GATB: variants seen among roughly 807,000 people sequenced by gnomAD.
GATB encodes the protein glutamyl-tRNA(Gln) amidotransferase subunit B, mitochondrial.
A neutral mutation model predicts 62.3 loss-of-function variants in GATB; 39 were observed. The ratio of observed to expected loss-of-function variants is 0.63; its 90% CI spans 0.48 to 0.82. The LOEUF is 0.82. GATB is among the 40% of genes least tolerant of loss of function. GATB has a pLI of 0.00. For missense variants in GATB, 670 were observed against 684.0 expected (o/e 0.98, Z 0.23); for synonymous variants, 276 against 258.9 (o/e 1.07, Z -0.63).
At chr4:151,760,728 G>T in intron 1 of GATB, 79 bp downstream of exon 1, 1 of 1,336,504 alleles carries the variant, frequency 7.5e-7, no homozygotes, top group Non-Finnish European at 1.0e-6. Flanking sequence ...CTAGAAGCTG[G>T]GCCGTAATTG....
intron 12 of GATB, 28 bp from the exon 13 acceptor site, chr4:151,671,330 GA>G (rs1560837448): frequency 2.9e-6 from 3 of 1,027,768 alleles, no homozygotes; most frequent in Non-Finnish European, 1.3e-6. Context: ...ACTTACTTAA[GA>G]GGAGAAAATG....
At chr4:151,732,186 C>A (rs929797990) in intron 2 of GATB, among the ~76,000 whole-genome samples, 1 of 151,538 alleles carries the variant, frequency 6.6e-6, no homozygotes, top group Non-Finnish European at 1.5e-5. Flanking sequence ...AAGTGAGGAG[C>A]CCCTCTGCCT....
intron 9 of GATB, among the ~76,000 whole-genome samples, chr4:151,697,905 C>G (rs1483770371): frequency 1.6e-5 from 2 of 129,018 alleles, no homozygotes; most frequent in Non-Finnish European, 3.1e-5. Flanking sequence ...GTCTCAAAAA[C>G]AAACAAACAA....
chr4:151,743,780 A>G (rs928492371), intron 2 of GATB, among the ~76,000 whole-genome samples: 10 of 152,226 alleles, frequency 6.6e-5, no homozygotes, highest in African/African-American at 2.4e-4. Flanking sequence ...AATAGCTTTC[A>G]TAGCATCCAT....
chr4:151,721,431 G>A (rs1188231010), intron 2 of GATB: 1 of 152,198 alleles, frequency 6.6e-6, no homozygotes, highest in Admixed American at 6.5e-5. Flanking sequence ...AGATGTGTGG[G>A]GAACAGGAGG....
At chr4:151,725,564 C>T (rs1347822360) in intron 2 of GATB, among the ~76,000 whole-genome samples, 1 of 152,246 alleles carries the variant, frequency 6.6e-6, no homozygotes, top group African/African-American at 2.4e-5. Context: ...TGAAATCCAA[C>T]TAATTTATAA....
chr4:151,711,216 C>G (rs1294103887), intron 5 of GATB, among the ~76,000 whole-genome samples: 2 of 152,208 alleles, frequency 1.3e-5, no homozygotes, highest in African/African-American at 4.8e-5. Context: ...TAACTGGTCT[C>G]CTGGCTTCTA....
At chr4:151,745,842 G>C (rs1739584474) in intron 2 of GATB, among the ~76,000 whole-genome samples, 1 of 152,202 alleles carries the variant, frequency 6.6e-6, no homozygotes, top group Non-Finnish European at 1.5e-5. Context: ...AGCCCTGAAT[G>C]CTTTTTTAAA....
intron 4 of GATB, 100 bp from the exon 5 acceptor site, chr4:151,716,231 C>A: frequency 1.6e-6 from 2 of 1,234,178 alleles, no homozygotes; most frequent in Non-Finnish European, 2.2e-6. Context: ...TACTGAAGGA[C>A]TCTCAGAGTG....
chr4:151,698,487 T>A (rs1269853725), intron 9 of GATB, among the ~76,000 whole-genome samples: 1 of 152,156 alleles, frequency 6.6e-6, no homozygotes, highest in African/African-American at 2.4e-5. Flanking sequence ...CCACTGCTAT[T>A]TATTTAATGA....
chr4:151,708,569 T>C (rs1423245958), intron 5 of GATB, among the ~76,000 whole-genome samples: 3 of 152,234 alleles, frequency 2.0e-5, no homozygotes, highest in Admixed American at 2.0e-4. Context: ...CTAACAGTGA[T>C]TCCAGGAGAT....
intron 11 of GATB, chr4:151,677,270 AAAAAT>A (rs1443124271): frequency 6.6e-6 from 1 of 152,220 alleles, no homozygotes; most frequent in Non-Finnish European, 1.5e-5. Flanking sequence ...AGTACACTAT[AAAAAT>A]AAGATACAAA....
chr4:151,691,284 CAG>C (rs1332458695), intron 9 of GATB, among the ~76,000 whole-genome samples: 4 of 152,180 alleles, frequency 2.6e-5, no homozygotes, highest in Non-Finnish European at 5.9e-5. Flanking sequence ...TTCAGCGACA[CAG>C]AGAGTCAAGT....
At chr4:151,732,283 G>C (rs1230640229) in intron 2 of GATB, among the ~76,000 whole-genome samples, 1 of 152,204 alleles carries the variant, frequency 6.6e-6, no homozygotes, top group Non-Finnish European at 1.5e-5. Flanking sequence ...ATAGAAAAGG[G>C]GGAAAGGTGG....
chr4:151,713,155 AC>A (rs1738851994), intron 5 of GATB, among the ~76,000 whole-genome samples: 2 of 150,774 alleles, frequency 1.3e-5, no homozygotes, highest in Admixed American at 1.3e-4. Context: ...GTCTCCCATC[AC>A]CCCCAGATGG....
At chr4:151,713,363 C>T (rs866825744) in intron 5 of GATB, among the ~76,000 whole-genome samples, 4 of 152,180 alleles carry the variant, frequency 2.6e-5, no homozygotes, top group Admixed American at 1.3e-4. Context: ...TCCACGAAAC[C>T]GGTCCCCGGA....
intron 2 of GATB, among the ~76,000 whole-genome samples, chr4:151,725,352 A>G (rs1278495811): frequency 6.6e-6 from 1 of 152,246 alleles, no homozygotes; most frequent in African/African-American, 2.4e-5. Flanking sequence ...TGGAGCAGCA[A>G]AGTGGTGTAG....
chr4:151,708,729 C>T (rs1738763559), intron 5 of GATB, among the ~76,000 whole-genome samples: 1 of 152,220 alleles, frequency 6.6e-6, no homozygotes, highest in Non-Finnish European at 1.5e-5. Context: ...CGATTTGCTA[C>T]AGCAGACAGA....
chr4:151,681,372 T>C lies in GATB; in HGVS notation c.1332-1481A>G, dbSNP rs1322531811. Among the ~76,000 whole-genome samples the C allele has an allele frequency of 3.3e-5, 5 of 152,176 alleles. No homozygotes were observed. The East Asian group carries it at 9.6e-4, about 29-fold the overall frequency. On this transcript the variant is annotated intron_variant, in intron 10 of 12. Coordinates refer to ENST00000263985, the MANE Select transcript of GATB (RefSeq NM_004564.3). ...TTGGAGAATATCTGGTGTTACTAAA[T>C]TGGTATTCAGAACATCTGTGAACCA...
Sources: gnomAD v4.1 joint callset for allele counts (sites outside exome capture counted in the v4.1 genomes callset) on GRCh38, gnomAD v4.1.1 for gene constraint, MANE v1.5 for transcripts, NCBI Gene and HGNC (gene_info 2026-07-23, HGNC 2026-07-21) for gene names.